The following ACAD10 variants were observed in gnomAD, a reference collection of about 807,000 sequenced individuals.
ACAD10 encodes the protein ACAD-10.
A neutral mutation model predicts 116.8 loss-of-function variants in ACAD10; 112 were observed. The ratio of observed to expected loss-of-function variants is 0.96; its 90% CI spans 0.82 to 1.12. ACAD10 has a LOEUF of 1.12. Ranked by LOEUF, ACAD10 falls within the 50% of genes most tolerant of loss-of-function variation. The pLI, the probability that ACAD10 is intolerant of heterozygous loss-of-function variation, is 0.00. For synonymous variants in ACAD10, 486 were observed against 510.6 expected (o/e 0.95, Z 0.65); for missense variants, 1,259 against 1,350.2 (o/e 0.93, Z 1.06).
intron 8 of ACAD10, among the ~76,000 whole-genome samples, chr12:111,722,320 T>G (rs1054994140): frequency 6.6e-6 from 1 of 152,222 alleles, no homozygotes; most frequent in African/African-American, 2.4e-5. Context: ...CACTTTGGCC[T>G]CCCATGATGC....
Position 111,749,177 on chromosome 12 carries a change from C to T in ACAD10, c.2649C>T (p.Gly883=). The change falls in exon 18 of 21, where the codon GGC becomes GGT. Residue 883 remains glycine (G), a synonymous_variant. Transcript: ENST00000313698. ...TVYGLEDAPG[G]HGEVRFEHVR... is the part of the protein sequence containing the mutation. ...GTGATCGTTTGGGTCTTTCAGGTGG[C>T]CATGGTGAAGTCCGATTTGAGCACG... 1 of 1,612,624 alleles carries T rather than the reference C, an allele frequency of 6.2e-7. No individual in the cohort carries two copies. Among genetic ancestry groups the T allele is most frequent in the Middle Eastern group, 1.7e-4 (1 of 6,054 alleles).
At position 111,745,624 on chromosome 12, in the gene ACAD10, C is replaced by T. The variant is rs114465029; in HGVS notation, c.2116-520C>T. Reference sequence around the variant, plus strand: ...ACGGAGTCTTGCTCTGTGCAACTTCCGCCTCCCAGGTTCAAGCGATTCTCC... The same window carrying T: ...ACGGAGTCTTGCTCTGTGCAACTTCTGCCTCCCAGGTTCAAGCGATTCTCC... On this transcript the variant is annotated intron_variant, in intron 13 of 20. Coordinates refer to ENST00000313698, the MANE Select transcript of ACAD10 (RefSeq NM_025247.6). 4.9e-3 allele frequency: 772 copies of T among 156,026 alleles called. 8 individuals are homozygous for T. Among genetic ancestry groups the T allele is most frequent in the African/African-American group, 0.018 (751 of 41,582 alleles). The allele number at this position is 156,026 out of a possible 1,614,324, so 9.7% of individuals were successfully genotyped here.
At chr12:111,712,034 C>T (rs1056977371) in intron 5 of ACAD10, among the ~76,000 whole-genome samples, 3 of 152,126 alleles carry the variant, frequency 2.0e-5, no homozygotes, top group Non-Finnish European at 4.4e-5. Flanking sequence ...CTACCTTTGC[C>T]TCTTTTAAAA....
chr12:111,727,324 A>G lies in ACAD10; in HGVS notation c.1062-638A>G, dbSNP rs191917921. ...TGGATCACGAGGTCAGGAGATCAAG[A>G]CCATCCTGGCTAACACGGTGAAATC... On this transcript the variant is annotated intron_variant, in intron 8 of 20. Transcript: ENST00000313698. Among the ~76,000 whole-genome samples the G allele has an allele frequency of 3.4e-3, 521 of 152,256 alleles. 3 individuals are homozygous for G. The highest frequency in any genetic ancestry group is 5.4e-3 in the Non-Finnish European group (365 of 68,022).
At chr12:111,706,575 G>A (rs1888511055) in intron 4 of ACAD10, among the ~76,000 whole-genome samples, 1 of 151,652 alleles carries the variant, frequency 6.6e-6, no homozygotes, top group African/African-American at 2.4e-5. Context: ...TCAGCCTCCT[G>A]AGTAGCTGGA....
intron 2 of ACAD10, among the ~76,000 whole-genome samples, chr12:111,701,808 C>T (rs536951695): frequency 1.3e-5 from 2 of 152,286 alleles, no homozygotes; most frequent in South Asian, 4.2e-4. Flanking sequence ...CTGGCTTCTT[C>T]CTTCATGTGC....
At chr12:111,697,145 G>A (rs1032654596) in intron 2 of ACAD10, among the ~76,000 whole-genome samples, 2 of 151,802 alleles carry the variant, frequency 1.3e-5, no homozygotes, top group Non-Finnish European at 2.9e-5. Flanking sequence ...GGAGACTGAG[G>A]CAGGAGAATT....
chr12:111,710,621 A>G (rs1888649760), intron 5 of ACAD10, among the ~76,000 whole-genome samples: 1 of 151,214 alleles, frequency 6.6e-6, no homozygotes, highest in Non-Finnish European at 1.5e-5. Flanking sequence ...CAGCCCCCTG[A>G]GTAGCTGGGA....
chr12:111,698,885 T>C (rs1462893914), intron 2 of ACAD10, among the ~76,000 whole-genome samples: 1 of 152,200 alleles, frequency 6.6e-6, no homozygotes, highest in African/African-American at 2.4e-5. Flanking sequence ...TTTCTTTTTC[T>C]TCCTTTCTTT....
Position 111,743,960 on chromosome 12 carries a change from C to G in ACAD10, c.1715-683C>G, listed in dbSNP as rs918372777. On this transcript the variant is annotated intron_variant, in intron 12 of 20. Coordinates refer to ENST00000313698, the MANE Select transcript of ACAD10 (RefSeq NM_025247.6). ...TGGGGGTTTCTCCATGTTGGCCAGCCTGGTCTTGAACTCCCGACCTCAAGT... is the reference window on the plus strand; with the variant it reads ...TGGGGGTTTCTCCATGTTGGCCAGCGTGGTCTTGAACTCCCGACCTCAAGT... 2.0e-5 allele frequency among the ~76,000 whole-genome samples: 3 copies of G among 151,804 alleles called. No individual in the cohort carries two copies. The South Asian group carries it at 6.2e-4, about 32-fold the overall frequency.
At chr12:111,734,312 A>G (rs1889487597) in intron 11 of ACAD10, among the ~76,000 whole-genome samples, 2 of 152,220 alleles carry the variant, frequency 1.3e-5, no homozygotes. Context: ...GCTAACTTCT[A>G]TTTAGGGTTT....
chr12:111,733,243 G>A (rs1301061430), intron 10 of ACAD10, among the ~76,000 whole-genome samples: 6 of 152,242 alleles, frequency 3.9e-5, no homozygotes, highest in South Asian at 2.1e-4. Flanking sequence ...GACTACAGGC[G>A]TGCACTACCA....
rs756368602 is a variant in ACAD10 at position 111,686,156 on chromosome 12, C to T, written c.-97C>T. ...TTAGGCTGAGCTGCAGGTTTTCGCA[C>T]AGTCGCGAGTTAACCTCTGCTTGCT... On this transcript the variant is annotated 5_prime_UTR_variant, in exon 1 of 21. Coordinates refer to ENST00000313698, the MANE Select transcript of ACAD10 (RefSeq NM_025247.6). The T allele has an allele frequency of 6.3e-6, 1 of 158,508 alleles. No homozygotes were observed. Among genetic ancestry groups the T allele is most frequent in the Non-Finnish European group, 1.4e-5 (1 of 72,284 alleles). 9.8% of individuals were successfully genotyped at this position (158,508 alleles called of 1,614,324 possible).
At chr12:111,727,715 G>C (rs1039842960) in intron 8 of ACAD10, among the ~76,000 whole-genome samples, 1 of 152,102 alleles carries the variant, frequency 6.6e-6, no homozygotes, top group African/African-American at 2.4e-5. Context: ...GTGTGCATGT[G>C]TGTGTGTGCA....
intron 2 of ACAD10, among the ~76,000 whole-genome samples, chr12:111,701,628 G>A (rs1888351877): frequency 6.6e-6 from 1 of 152,200 alleles, no homozygotes; most frequent in African/African-American, 2.4e-5. Context: ...TTGTACCACT[G>A]CACTCTAGCC....
intron 4 of ACAD10, among the ~76,000 whole-genome samples, chr12:111,708,536 C>T (rs554060127): frequency 1.1e-4 from 17 of 151,982 alleles, no homozygotes; most frequent in African/African-American, 4.1e-4. Context: ...CAGTTTATTC[C>T]AGACATTTAT....
chr12:111,745,147 C>T (rs2135988302), intron 13 of ACAD10, 104 bp downstream of exon 13: 1 of 1,268,316 alleles, frequency 7.9e-7, no homozygotes, highest in South Asian at 1.6e-5. Flanking sequence ...GATACAGGAG[C>T]TCCGAGTTGA....
chr12:111,700,148 G>A (rs1038694736), intron 2 of ACAD10, among the ~76,000 whole-genome samples: 3 of 150,900 alleles, frequency 2.0e-5, no homozygotes, highest in Admixed American at 2.0e-4. Context: ...GAGCCCAGGA[G>A]TTTGAGGCCA....
In ACAD10 at chr12:111,692,685, C is replaced by T. The variant is rs751729693; in HGVS notation, c.-13-12C>T. ...GCAGGCAAGTAACGCCCTGTGCCTT[C>T]TTCCCACACAGCCTCAGCCTCACCA... On this transcript the variant is annotated splice_polypyrimidine_tract_variant and intron_variant, in intron 1 of 20. Coordinates refer to ENST00000313698, the MANE Select transcript of ACAD10 (RefSeq NM_025247.6). The T allele has an allele frequency of 6.2e-7, 1 of 1,606,904 alleles. No homozygotes were observed. Among genetic ancestry groups the T allele is most frequent in the Admixed American group, 1.7e-5 (1 of 59,464 alleles).
Sources: allele counts gnomAD v4.1 joint callset (sites outside exome capture counted in the v4.1 genomes callset), GRCh38; gene constraint gnomAD v4.1.1; transcripts MANE v1.5; gene names NCBI Gene and HGNC (gene_info 2026-07-23, HGNC 2026-07-21).